The following ZCCHC24 variants were observed in gnomAD, a reference collection of about 807,000 sequenced individuals.
ZCCHC24 encodes zinc finger CCHC-type containing 24, also known as zinc finger CCHC domain-containing protein 24.
In ZCCHC24, 10 loss-of-function variants were observed where a neutral mutation model predicts 26.2. That is an observed-to-expected ratio of 0.38 (90% confidence interval 0.24 to 0.65). The LOEUF is 0.65. Ranked by LOEUF, ZCCHC24 falls within the 30% of genes least tolerant of loss-of-function variation. The pLI is 0.54. For missense variants in ZCCHC24, 243 were observed against 329.1 expected (o/e 0.74, Z 2.03); for synonymous variants, 144 against 147.1 (o/e 0.98, Z 0.15).
intron 2 of ZCCHC24, among the ~76,000 whole-genome samples, chr10:79,398,209 A>G (rs570211252): frequency 6.6e-6 from 1 of 152,254 alleles, no homozygotes; most frequent in Middle Eastern, 3.4e-3. Flanking sequence ...TGTGGCTCCA[A>G]TTGTGGTCTC....
intron 3 of ZCCHC24, among the ~76,000 whole-genome samples, chr10:79,387,577 T>C (rs7094122): frequency 0.014 from 2,095 of 152,142 alleles, 51 homozygotes; most frequent in African/African-American, 0.047. Flanking sequence ...TGCATGGACA[T>C]GGGGGGCTCA....
intron 2 of ZCCHC24, among the ~76,000 whole-genome samples, chr10:79,413,947 G>A (rs191853760): frequency 6.6e-6 from 1 of 152,322 alleles, no homozygotes; most frequent in Admixed American, 6.5e-5. Flanking sequence ...CCTCCTTGCC[G>A]CATGGCCACA....
At chr10:79,426,625 A>C (rs988794803) in intron 2 of ZCCHC24, among the ~76,000 whole-genome samples, 1 of 152,254 alleles carries the variant, frequency 6.6e-6, no homozygotes, top group African/African-American at 2.4e-5. Context: ...GCATTCTGGT[A>C]AGACACAATG....
At chr10:79,422,467 G>C (rs1360328620) in intron 2 of ZCCHC24, among the ~76,000 whole-genome samples, 1 of 152,204 alleles carries the variant, frequency 6.6e-6, no homozygotes, top group Non-Finnish European at 1.5e-5. Context: ...GCAGAGACCT[G>C]GGTGAGGAAG....
intron 2 of ZCCHC24, among the ~76,000 whole-genome samples, chr10:79,396,941 A>C (rs1186943930): frequency 6.6e-6 from 1 of 152,248 alleles, no homozygotes; most frequent in East Asian, 1.9e-4. Context: ...CATTTAGAAC[A>C]GTGCCTGGCA....
chr10:79,394,215 G>A lies in ZCCHC24; in HGVS notation c.612+61C>T, dbSNP rs145175519. The A allele has an allele frequency of 4.6e-4, 727 of 1,571,450 alleles. 2 individuals are homozygous for A. The African/African-American group carries it at 8.1e-3, about 18-fold the overall frequency. On this transcript the variant is annotated intron_variant, in intron 3 of 3. Coordinates refer to ENST00000372336, the MANE Select transcript of ZCCHC24 (RefSeq NM_153367.4). ...TGTAGGAGGGAGTAAACTGAGGTCC[G>A]GTAAGGGAAAAGTTGCCCTCCCGCG...
intron 2 of ZCCHC24, chr10:79,403,298 G>A (rs1411656865): frequency 4.1e-6 from 3 of 740,482 alleles, no homozygotes; most frequent in South Asian, 6.1e-5. Context: ...CCCTAATGAC[G>A]GATGAGGAAA....
At position 79,383,042 on chromosome 10, in the gene ZCCHC24, C is replaced by T. The variant is rs761794836; in HGVS notation, c.*3303G>A. 3 of 152,720 alleles carry T rather than the reference C, an allele frequency of 2.0e-5. No individual in the cohort carries two copies. The highest frequency in any genetic ancestry group is 7.2e-5 in the African/African-American group (3 of 41,448). 9.5% of individuals were successfully genotyped at this position (152,720 alleles called of 1,614,324 possible). On this transcript the variant is annotated 3_prime_UTR_variant, in exon 4 of 4. Coordinates refer to ENST00000372336, the MANE Select transcript of ZCCHC24 (RefSeq NM_153367.4). Reference sequence around the variant, plus strand: ...ATAACAAGATAAGAAGAAGAAGGTGCAAGAGAATGGATTACAATGCTGTTT... The same window carrying T: ...ATAACAAGATAAGAAGAAGAAGGTGTAAGAGAATGGATTACAATGCTGTTT...
chr10:79,421,098 G>C (rs1477970618), intron 2 of ZCCHC24, among the ~76,000 whole-genome samples: 1 of 152,170 alleles, frequency 6.6e-6, no homozygotes, highest in African/African-American at 2.4e-5. Context: ...GGCAGGGCAA[G>C]GAGGAGAGCC....
At chr10:79,394,639 A>C in intron 2 of ZCCHC24, 199 bp from the exon 3 acceptor site, 1 of 985,460 alleles carries the variant, frequency 1.0e-6, no homozygotes, top group South Asian at 4.7e-5. Context: ...CATAGGGAAC[A>C]GAAAACAGAG....
intron 3 of ZCCHC24, among the ~76,000 whole-genome samples, chr10:79,391,405 C>A (rs1245261899): frequency 5.3e-5 from 8 of 152,028 alleles, no homozygotes. Context: ...AGGAGCCCTG[C>A]CCAGCCAGAA....
At chr10:79,396,806 G>C (rs1376342383) in intron 2 of ZCCHC24, among the ~76,000 whole-genome samples, 1 of 152,150 alleles carries the variant, frequency 6.6e-6, no homozygotes, top group Non-Finnish European at 1.5e-5. Flanking sequence ...AATGGTTAAG[G>C]GCACACGCTC....
intron 1 of ZCCHC24, among the ~76,000 whole-genome samples, chr10:79,439,393 A>G (rs534063767): frequency 2.0e-5 from 3 of 152,284 alleles, no homozygotes; most frequent in African/African-American, 7.2e-5. Flanking sequence ...GGCTCAGGAG[A>G]GTACTTACAT....
chr10:79,445,514 G>A lies in ZCCHC24; in HGVS notation c.-74C>T. ...CCTCCGCAGCGGAGGGGCGGGCACC[G>A]GGGAGCCTGTGCCCACTGCCCGCCT... On this transcript the variant is annotated 5_prime_UTR_variant, in exon 1 of 4. Transcript: ENST00000372336. 2.4e-6 allele frequency: 3 copies of A among 1,236,400 alleles called. No homozygotes were observed. Among genetic ancestry groups the A allele is most frequent in the Non-Finnish European group, 3.1e-6 (3 of 981,628 alleles). The allele number at this position is 1,236,400 out of a possible 1,614,324, so 76.6% of individuals were successfully genotyped here.
intron 2 of ZCCHC24, among the ~76,000 whole-genome samples, chr10:79,430,240 C>T (rs1241158798): frequency 1.3e-5 from 2 of 152,118 alleles, no homozygotes; most frequent in Non-Finnish European, 2.9e-5. Context: ...TGCTGCGAGC[C>T]TCTGTCTGTC....
chr10:79,420,349 C>T (rs1008575692), intron 2 of ZCCHC24, among the ~76,000 whole-genome samples: 1 of 152,180 alleles, frequency 6.6e-6, no homozygotes, highest in African/African-American at 2.4e-5. Flanking sequence ...CTCCCAGAGG[C>T]AGCCCCTCCC....
At chr10:79,412,279 AG>A (rs1175746939) in intron 2 of ZCCHC24, among the ~76,000 whole-genome samples, 2 of 152,230 alleles carry the variant, frequency 1.3e-5, no homozygotes, top group African/African-American at 4.8e-5. Flanking sequence ...ACCCCAAGGG[AG>A]GTAGCTCAGG....
intron 2 of ZCCHC24, among the ~76,000 whole-genome samples, chr10:79,423,097 T>TG (rs1856969743): frequency 6.6e-6 from 1 of 152,058 alleles, no homozygotes. Flanking sequence ...TTTAGTGGAG[T>TG]GGTAGTACGT....
At position 79,426,676 on chromosome 10, in the gene ZCCHC24, C is replaced by T. The variant is rs148637873; in HGVS notation, c.447+5882G>A. ...AGAGCAACCCTAAAAAAATAACTCA[C>T]AAAACATAGTGAAAAAAAATCATTA... On this transcript the variant is annotated intron_variant, in intron 2 of 3. Transcript: ENST00000372336. Among the ~76,000 whole-genome samples the T allele has an allele frequency of 6.4e-4, 97 of 151,668 alleles. 1 individual carries two copies. Among genetic ancestry groups the T allele is most frequent in the African/African-American group, 2.2e-3 (90 of 41,302 alleles).
Sources: allele counts gnomAD v4.1 joint callset (sites outside exome capture counted in the v4.1 genomes callset), GRCh38; gene constraint gnomAD v4.1.1; transcripts MANE v1.5; gene names NCBI Gene and HGNC (gene_info 2026-07-23, HGNC 2026-07-21).